SH3RF3: variants seen among roughly 807,000 people sequenced by gnomAD.
SH3RF3 encodes the protein SH3 domain containing ring finger 3, also known as E3 ubiquitin-protein ligase SH3RF3.
In SH3RF3, 29 loss-of-function variants were observed where a neutral mutation model predicts 66.3. The observed-to-expected ratio is 0.44, with a 90% CI of 0.33 to 0.60. The LOEUF (loss-of-function observed/expected upper bound fraction) is 0.60, where lower values mean the gene tolerates loss of function less well. Ranked by LOEUF, SH3RF3 falls within the 20% of genes least tolerant of loss-of-function variation. The pLI is 0.04. For synonymous variants in SH3RF3, 583 were observed against 532.0 expected, an observed-to-expected ratio of 1.10 and a Z score of -1.32; for missense variants, 1,194 against 1,190.9, an observed-to-expected ratio of 1.00 and a Z score of -0.04.
intron 1 of SH3RF3, among the ~76,000 whole-genome samples, chr2:109,342,548 G>A (rs965839085): frequency 6.6e-6 from 1 of 152,194 alleles, no homozygotes; most frequent in African/African-American, 2.4e-5. Flanking sequence ...TTAAACACAG[G>A]GAGCCGGTGC....
At chr2:109,221,798 A>G (rs1347716882) in intron 1 of SH3RF3, among the ~76,000 whole-genome samples, 2 of 152,152 alleles carry the variant, frequency 1.3e-5, no homozygotes, top group Non-Finnish European at 2.9e-5. Context: ...CCAGTAGGAA[A>G]GTTTCTCAGA....
chr2:109,406,726 C>T (rs545528002), intron 4 of SH3RF3, among the ~76,000 whole-genome samples: 1 of 152,268 alleles, frequency 6.6e-6, no homozygotes, highest in South Asian at 2.1e-4. Flanking sequence ...TTACTGAGCC[C>T]ATTACAGAAA....
chr2:109,258,797 G>A (rs1162094521), intron 1 of SH3RF3, among the ~76,000 whole-genome samples: 1 of 152,206 alleles, frequency 6.6e-6, no homozygotes, highest in African/African-American at 2.4e-5. Flanking sequence ...ATAGGGGTAG[G>A]GTCTTGCCAG....
At chr2:109,492,217 C>G (rs913586221) in intron 9 of SH3RF3, among the ~76,000 whole-genome samples, 1 of 152,204 alleles carries the variant, frequency 6.6e-6, no homozygotes, top group African/African-American at 2.4e-5. Flanking sequence ...AAATAGTCTT[C>G]TGATTTCTTT....
intron 2 of SH3RF3, among the ~76,000 whole-genome samples, chr2:109,349,234 C>G (rs753548632): frequency 6.6e-6 from 1 of 152,196 alleles, no homozygotes; most frequent in South Asian, 2.1e-4. Flanking sequence ...TTGGCATGTC[C>G]TGCGTACAGC....
intron 1 of SH3RF3, among the ~76,000 whole-genome samples, chr2:109,339,533 A>T (rs1682507795): frequency 6.6e-6 from 1 of 152,112 alleles, no homozygotes; most frequent in South Asian, 2.1e-4. Context: ...GGCCGGTGGA[A>T]AGGTGGTAGA....
intron 3 of SH3RF3, among the ~76,000 whole-genome samples, chr2:109,379,140 T>C (rs1252452256): frequency 6.6e-6 from 1 of 152,198 alleles, no homozygotes; most frequent in Non-Finnish European, 1.5e-5. Context: ...TATCTGCAAA[T>C]CTTGTTTCAC....
chr2:109,302,232 G>C (rs537207287), intron 1 of SH3RF3, among the ~76,000 whole-genome samples: 1 of 152,132 alleles, frequency 6.6e-6, no homozygotes, highest in African/African-American at 2.4e-5. Context: ...GATGCTTTCA[G>C]GTTGCTCTAA....
intron 1 of SH3RF3, among the ~76,000 whole-genome samples, chr2:109,291,165 G>A (rs1017149553): frequency 1.3e-5 from 2 of 152,204 alleles, no homozygotes; most frequent in Non-Finnish European, 2.9e-5. Flanking sequence ...AACGTGGGGA[G>A]AGTGAGAGGG....
At chr2:109,363,984 T>C (rs1425320601) in intron 2 of SH3RF3, among the ~76,000 whole-genome samples, 1 of 152,212 alleles carries the variant, frequency 6.6e-6, no homozygotes, top group African/African-American at 2.4e-5. Flanking sequence ...GCTTCCTGGA[T>C]CTGTGGTTTG....
intron 8 of SH3RF3, among the ~76,000 whole-genome samples, chr2:109,474,369 G>A (rs1373615686): frequency 4.6e-5 from 7 of 152,174 alleles, no homozygotes; most frequent in Non-Finnish European, 8.8e-5. Context: ...GGCTGTAAGT[G>A]TGAGCTAGCT....
intron 1 of SH3RF3, among the ~76,000 whole-genome samples, chr2:109,326,238 T>C (rs1682152444): frequency 6.6e-6 from 1 of 152,266 alleles, no homozygotes; most frequent in Admixed American, 6.5e-5. Flanking sequence ...AGGAATCAGC[T>C]GTGTTGATGT....
intron 1 of SH3RF3, among the ~76,000 whole-genome samples, chr2:109,181,482 AAC>A (rs140426095): frequency 3.6e-4 from 55 of 151,636 alleles, no homozygotes; most frequent in Admixed American, 1.1e-3. Context: ...CCACTGGTGT[AAC>A]ACACACACAC....
chr2:109,309,619 G>A lies in SH3RF3; in HGVS notation c.574-38055G>A, dbSNP rs1472789596. Among the ~76,000 whole-genome samples the A allele has an allele frequency of 5.3e-5, 5 of 95,054 alleles. 1 individual carries two copies. The highest frequency in any genetic ancestry group is 7.9e-5 in the Non-Finnish European group (4 of 50,800). 62.4% of individuals were successfully genotyped at this position (95,054 alleles called of 152,430 possible). ...ATTCAGGAAACCCATCTCACGTGCA[G>A]AGACACACATAGGCTGAAAATAAAA... On this transcript the variant is annotated intron_variant, in intron 1 of 9. Transcript: ENST00000309415.
chr2:109,412,422 G>C (rs1280349794), intron 4 of SH3RF3, among the ~76,000 whole-genome samples: 1 of 152,220 alleles, frequency 6.6e-6, no homozygotes, highest in Non-Finnish European at 1.5e-5. Flanking sequence ...GGGACAGCTT[G>C]GCTGTTTCTG....
At chr2:109,204,465 T>C (rs143367355) in intron 1 of SH3RF3, among the ~76,000 whole-genome samples, 2,437 of 152,362 alleles carry the variant, frequency 0.016, 26 homozygotes, top group African/African-American at 0.032. Flanking sequence ...GGTTCACTTG[T>C]GGCTTTTGTT....
At chr2:109,282,754 C>T (rs961740921) in intron 1 of SH3RF3, among the ~76,000 whole-genome samples, 1 of 152,136 alleles carries the variant, frequency 6.6e-6, no homozygotes, top group African/African-American at 2.4e-5. Context: ...TCAGAACGGC[C>T]AAAGGAGAAA....
At chr2:109,306,202 C>G (rs942200259) in intron 1 of SH3RF3, among the ~76,000 whole-genome samples, 5 of 152,228 alleles carry the variant, frequency 3.3e-5, no homozygotes, top group African/African-American at 1.2e-4. Context: ...GACCGTCTTT[C>G]AGAAGAGATG....
intron 8 of SH3RF3, among the ~76,000 whole-genome samples, chr2:109,465,922 C>T (rs925773353): frequency 3.3e-5 from 5 of 152,078 alleles, no homozygotes; most frequent in East Asian, 1.9e-4. Context: ...ACCAAGGATC[C>T]GTCCCCACGA....
Sources: allele counts gnomAD v4.1 joint callset (sites outside exome capture counted in the v4.1 genomes callset), GRCh38; gene constraint gnomAD v4.1.1; transcripts MANE v1.5; gene names NCBI Gene and HGNC (gene_info 2026-07-23, HGNC 2026-07-21).